Variants in GLYATL2 observed in about 807,000 individuals in gnomAD.
The protein encoded by GLYATL2 is glycine-N-acyltransferase like 2.
Under a neutral mutation model 21.4 loss-of-function variants are expected in GLYATL2, and 25 were observed. The observed-to-expected ratio is 1.17, with a 90% CI of 0.85 to 1.63. The LOEUF is 1.63. GLYATL2 is among the 40% of genes most tolerant of loss of function. The pLI is 0.00. For synonymous variants in GLYATL2, 114 were observed against 118.2 expected, an observed-to-expected ratio of 0.96 and a Z score of 0.23; for missense variants, 361 against 343.3, an observed-to-expected ratio of 1.05 and a Z score of -0.41.
At chr11:58,859,836 G>A (rs1447728219) in intron 1 of GLYATL2, among the ~76,000 whole-genome samples, 1 of 152,104 alleles carries the variant, frequency 6.6e-6, no homozygotes, top group African/African-American at 2.4e-5. Flanking sequence ...TCCAAATGTG[G>A]ATATGCAGTT....
At chr11:58,877,039 G>A (rs186539298) in intron 1 of GLYATL2, among the ~76,000 whole-genome samples, 286 of 152,322 alleles carry the variant, frequency 1.9e-3, no homozygotes, top group African/African-American at 6.2e-3. Flanking sequence ...GATCTCAGAC[G>A]GCTGTGCTAG....
chr11:58,842,002 C>CA (rs1853561896), intron 1 of GLYATL2, among the ~76,000 whole-genome samples: 1 of 151,792 alleles, frequency 6.6e-6, no homozygotes, highest in Non-Finnish European at 1.5e-5. Flanking sequence ...TACAAGAGCT[C>CA]AAAAAAGGCA....
At position 58,860,650 on chromosome 11, in the gene GLYATL2, C is replaced by T. The variant is rs184188706; in HGVS notation, n.61-22282G>A. On this transcript the variant is annotated intron_variant and non_coding_transcript_variant, in intron 1 of 4. Coordinates refer to the GLYATL2 transcript ENST00000533636. ...TTCCATTAATGCATTGAATAGAAGT[C>T]GTGAGGGTGAGCATCCTTGCCTTGT... 1.8e-3 allele frequency among the ~76,000 whole-genome samples: 272 copies of T among 152,090 alleles called. 2 individuals are homozygous for T. Among genetic ancestry groups the T allele is most frequent in the African/African-American group, 6.2e-3 (257 of 41,528 alleles).
chr11:58,868,199 T>C lies in GLYATL2; in HGVS notation n.61-29831A>G, dbSNP rs1228631846. On this transcript the variant is annotated intron_variant and non_coding_transcript_variant, in intron 1 of 4. Transcript: ENST00000533636. ...GGCACTGGAATTGAAACCTCCCCTG[T>C]AGTCCCATAGATAGATTTTTGTATA... Among the ~76,000 whole-genome samples, 14 of 148,934 alleles carry C rather than the reference T, an allele frequency of 9.4e-5. 2 individuals carry two copies. In the Admixed American group the frequency reaches 9.7e-4, roughly 10 times the overall value.
intron 1 of GLYATL2, among the ~76,000 whole-genome samples, chr11:58,887,324 T>C (rs960950402): frequency 6.6e-6 from 1 of 152,222 alleles, no homozygotes; most frequent in East Asian, 1.9e-4. Context: ...TTCCATAGTA[T>C]ACCACGTTTC....
chr11:58,836,888 T>C, intron 5 of GLYATL2, 127 bp downstream of exon 5: 1 of 822,910 alleles, frequency 1.2e-6, no homozygotes, highest in Non-Finnish European at 2.0e-6. Flanking sequence ...CATAACTCCC[T>C]TTCTTTACCC....
At chr11:58,877,104 C>T (rs945083569) in intron 1 of GLYATL2, among the ~76,000 whole-genome samples, 2 of 152,236 alleles carry the variant, frequency 1.3e-5, no homozygotes, top group Non-Finnish European at 2.9e-5. Flanking sequence ...AGGATATAAT[C>T]TCCTGGTGTG....
At chr11:58,907,676 C>G (rs551288593), upstream of GLYATL2, 1 of 194,614 alleles carries the variant, frequency 5.1e-6, no homozygotes, top group African/African-American at 2.3e-5. Flanking sequence ...TTAAATACTT[C>G]CTGATTTTTG....
chr11:58,845,498 C>T (rs1454208631), upstream of GLYATL2, among the ~76,000 whole-genome samples: 19 of 152,038 alleles, frequency 1.2e-4, no homozygotes, highest in Admixed American at 1.2e-3. Flanking sequence ...AACTACTCAG[C>T]AGACTGAGAT....
At chr11:58,835,474 G>C (rs1404674376) in intron 5 of GLYATL2, among the ~76,000 whole-genome samples, 1 of 152,096 alleles carries the variant, frequency 6.6e-6, no homozygotes, top group African/African-American at 2.4e-5. Flanking sequence ...TTGTTTACTT[G>C]GTTTTCTTGC....
At chr11:58,888,837 TTTC>T (rs1854489030) in intron 1 of GLYATL2, among the ~76,000 whole-genome samples, 1 of 151,924 alleles carries the variant, frequency 6.6e-6, no homozygotes, top group Non-Finnish European at 1.5e-5. Flanking sequence ...TAAGAAAGTT[TTTC>T]TTACTTTCCT....
At chr11:58,900,943 C>T (rs1266235138) in intron 1 of GLYATL2, among the ~76,000 whole-genome samples, 6 of 152,182 alleles carry the variant, frequency 3.9e-5, no homozygotes, top group Non-Finnish European at 8.8e-5. Context: ...TTCTTTTCTC[C>T]TCCCTATTCC....
At chr11:58,868,198 G>C (rs1338972698) in intron 1 of GLYATL2, among the ~76,000 whole-genome samples, 1 of 148,920 alleles carries the variant, frequency 6.7e-6, no homozygotes. Context: ...AACCTCCCCT[G>C]TAGTCCCATA....
the GLYATL2 span, among the ~76,000 whole-genome samples, chr11:58,909,257 T>C: frequency 2.0e-5 from 3 of 152,184 alleles, no homozygotes; most frequent in Non-Finnish European, 2.9e-5. Flanking sequence ...AAAACAGAGG[T>C]ATTAGTCAAG....
At chr11:58,903,275 A>C (rs946483887) in intron 1 of GLYATL2, among the ~76,000 whole-genome samples, 1 of 152,212 alleles carries the variant, frequency 6.6e-6, no homozygotes, top group Non-Finnish European at 1.5e-5. Context: ...AGGGCACCTA[A>C]GACACAGGGA....
intron 3 of GLYATL2, 110 bp from the exon 4 acceptor site, chr11:58,837,507 G>T: frequency 9.4e-7 from 1 of 1,058,684 alleles, no homozygotes; most frequent in Non-Finnish European, 1.4e-6. Context: ...CTGTTTTTCT[G>T]AGACAGGTGT....
chr11:58,896,437 C>T (rs545168873), intron 1 of GLYATL2, among the ~76,000 whole-genome samples: 4 of 152,332 alleles, frequency 2.6e-5, no homozygotes, highest in African/African-American at 9.6e-5. Flanking sequence ...ATTAAACTTC[C>T]ACTCTTAAAC....
chr11:58,864,230 GT>G (rs1399565859), intron 1 of GLYATL2, among the ~76,000 whole-genome samples: 5 of 152,186 alleles, frequency 3.3e-5, no homozygotes, highest in Non-Finnish European at 2.9e-5. Flanking sequence ...GGCCAGCCTT[GT>G]TCTGGGGCTG....
intron 1 of GLYATL2, among the ~76,000 whole-genome samples, chr11:58,877,625 C>A (rs574497): frequency 0.89 from 134,850 of 152,250 alleles, 60,924 homozygotes; most frequent in Non-Finnish European, 0.98. Context: ...CTTGGAAACC[C>A]AGTGAAGAAA....
Sources: allele counts gnomAD v4.1 joint callset (sites outside exome capture counted in the v4.1 genomes callset), GRCh38; gene constraint gnomAD v4.1.1; transcripts MANE v1.5; gene names NCBI Gene and HGNC (gene_info 2026-07-23, HGNC 2026-07-21).